SHISA6: variants seen among roughly 807,000 people sequenced by gnomAD.
The protein encoded by SHISA6 is shisa family member 6.
Under a neutral mutation model 47.9 loss-of-function variants are expected in SHISA6, and 22 were observed. That is an observed-to-expected ratio of 0.46 (90% CI 0.33 to 0.66). The LOEUF is 0.66. Ranked by LOEUF, SHISA6 falls within the 30% of genes least tolerant of loss-of-function variation. The pLI, the probability that SHISA6 is intolerant of heterozygous loss-of-function variation, is 0.02. For missense variants in SHISA6, 680 were observed against 764.6 expected (o/e 0.89, Z 1.30); for synonymous variants, 388 against 337.8 (o/e 1.15, Z -1.63).
chr17:11,346,803 A>G (rs1307226003), intron 2 of SHISA6, among the ~76,000 whole-genome samples: 2 of 152,256 alleles, frequency 1.3e-5, no homozygotes, highest in Admixed American at 6.5e-5. Flanking sequence ...TATACTCAAC[A>G]AACTGATGAT....
At chr17:11,458,292 G>T (rs146874335) in intron 3 of SHISA6, among the ~76,000 whole-genome samples, 3 of 152,260 alleles carry the variant, frequency 2.0e-5, no homozygotes, top group Non-Finnish European at 4.4e-5. Context: ...TTAATGAAAT[G>T]ATGAAAAGAA....
chr17:11,419,457 A>G (rs551142472), intron 3 of SHISA6, among the ~76,000 whole-genome samples: 1 of 152,224 alleles, frequency 6.6e-6, no homozygotes, highest in East Asian at 1.9e-4. Context: ...GGGTAATTAG[A>G]AAAAATTCTT....
At chr17:11,536,030 A>C (rs78242404) in intron 3 of SHISA6, among the ~76,000 whole-genome samples, 9,240 of 151,810 alleles carry the variant, frequency 0.061, 368 homozygotes, top group Middle Eastern at 0.087. Context: ...ATAGAGAGAG[A>C]AAGTGAGACA....
chr17:11,270,159 A>G (rs1471365977), intron 2 of SHISA6, among the ~76,000 whole-genome samples: 1 of 152,154 alleles, frequency 6.6e-6, no homozygotes, highest in African/African-American at 2.4e-5. Context: ...TATTTTTAAT[A>G]GAGACAGGGT....
chr17:11,390,195 A>G (rs2142254957), intron 3 of SHISA6, among the ~76,000 whole-genome samples: 1 of 152,374 alleles, frequency 6.6e-6, no homozygotes, highest in East Asian at 1.9e-4. Context: ...TTGTTGGAAG[A>G]AGAAAACTGG....
At chr17:11,539,076 G>C (rs949063134) in intron 3 of SHISA6, among the ~76,000 whole-genome samples, 19 of 152,134 alleles carry the variant, frequency 1.2e-4, no homozygotes, top group African/African-American at 4.3e-4. Flanking sequence ...CAAGTAGCTG[G>C]GACTACAGGC....
At chr17:11,460,355 T>A (rs1915661161) in intron 3 of SHISA6, among the ~76,000 whole-genome samples, 1 of 152,124 alleles carries the variant, frequency 6.6e-6, no homozygotes, top group South Asian at 2.1e-4. Context: ...ACGATACAAA[T>A]ATCTAGGAGT....
intron 3 of SHISA6, among the ~76,000 whole-genome samples, chr17:11,499,683 C>CTTTTT (rs372464937): frequency 4.3e-4 from 55 of 127,430 alleles, no homozygotes; most frequent in African/African-American, 8.0e-4. Context: ...CTTTTTCTTT[C>CTTTTT]TTTTTTTTTT....
At chr17:11,387,035 C>G (rs997570022) in intron 3 of SHISA6, among the ~76,000 whole-genome samples, 1 of 152,178 alleles carries the variant, frequency 6.6e-6, no homozygotes, top group Non-Finnish European at 1.5e-5. Flanking sequence ...AGAGAAGTAG[C>G]ATAAGGGTGC....
intron 3 of SHISA6, among the ~76,000 whole-genome samples, chr17:11,461,926 A>AATACAGAAATACAGAAATACAGAATAC (rs1352919026): frequency 1.3e-5 from 2 of 152,234 alleles, no homozygotes; most frequent in East Asian, 3.8e-4. Flanking sequence ...CCAGAGCATG[A>AATACAGAAATACAGAAATACAGAATAC]AGAATACAGA....
Position 11,324,915 on chromosome 17 carries a change from C to T in SHISA6, c.800-54499C>T, listed in dbSNP as rs556924452. Among the ~76,000 whole-genome samples, 650 of 152,258 alleles carry T rather than the reference C, an allele frequency of 4.3e-3. 3 individuals are homozygous for T. Among genetic ancestry groups the T allele is most frequent in the Non-Finnish European group, 6.7e-3 (457 of 68,014 alleles). ...CAGCGAGGGCCGGGTCTCCAATCAC[C>T]TGCCTATCTGGTCCCTGGAGCCCTC... On this transcript the variant is annotated intron_variant, in intron 2 of 5. Coordinates refer to ENST00000441885, the MANE Select transcript of SHISA6 (RefSeq NM_207386.4).
chr17:11,272,921 T>C (rs1908734498), intron 2 of SHISA6, among the ~76,000 whole-genome samples: 1 of 152,162 alleles, frequency 6.6e-6, no homozygotes, highest in African/African-American at 2.4e-5. Context: ...TGCCAGCTGT[T>C]TTCATGGCTG....
At chr17:11,252,607 T>A (rs898304485) in intron 1 of SHISA6, among the ~76,000 whole-genome samples, 1 of 152,174 alleles carries the variant, frequency 6.6e-6, no homozygotes, top group African/African-American at 2.4e-5. Context: ...TCAGGCAGGT[T>A]GGTGGCCAAA....
intron 3 of SHISA6, among the ~76,000 whole-genome samples, chr17:11,429,904 C>T (rs183386235): frequency 7.3e-4 from 110 of 151,162 alleles, no homozygotes; most frequent in African/African-American, 2.5e-3. Context: ...CTGCATTTAG[C>T]CTTCAGGTTG....
intron 2 of SHISA6, among the ~76,000 whole-genome samples, chr17:11,329,504 A>G (rs1191521724): frequency 6.6e-6 from 1 of 151,938 alleles, no homozygotes; most frequent in Non-Finnish European, 1.5e-5. Context: ...TGCCCTTCCC[A>G]ACTCTTCCCT....
At chr17:11,503,123 A>C (rs1346065755) in intron 3 of SHISA6, among the ~76,000 whole-genome samples, 1 of 152,216 alleles carries the variant, frequency 6.6e-6, no homozygotes, top group East Asian at 1.9e-4. Context: ...TCTAGAGGTC[A>C]TCTAGTCCTC....
intron 3 of SHISA6, among the ~76,000 whole-genome samples, chr17:11,410,272 G>A (rs999739569): frequency 2.0e-5 from 3 of 152,182 alleles, no homozygotes; most frequent in Non-Finnish European, 4.4e-5. Context: ...GAGGAGGTTG[G>A]ATGAGTTATC....
chr17:11,343,999 C>CT (rs111702313), intron 2 of SHISA6, among the ~76,000 whole-genome samples: 46 of 152,194 alleles, frequency 3.0e-4, no homozygotes, highest in African/African-American at 1.1e-3. Flanking sequence ...TATCATCTGT[C>CT]TTTTTTTATT....
At chr17:11,338,631 A>G (rs563084909) in intron 2 of SHISA6, among the ~76,000 whole-genome samples, 92 of 151,946 alleles carry the variant, frequency 6.1e-4, no homozygotes, top group African/African-American at 2.2e-3. Context: ...GGATGGTCTC[A>G]ATCTCTTGAC....
Sources: allele counts gnomAD v4.1 joint callset (sites outside exome capture counted in the v4.1 genomes callset), GRCh38; gene constraint gnomAD v4.1.1; transcripts MANE v1.5; gene names NCBI Gene and HGNC (gene_info 2026-07-23, HGNC 2026-07-21).